Variants in SPG11 observed in about 807,000 individuals in gnomAD.
SPG11 encodes spatacsin.
SPG11 carries 222 observed loss-of-function variants against 274.0 expected under a neutral mutation model. The observed-to-expected ratio is 0.81, with a 90% CI of 0.73 to 0.91. The LOEUF (loss-of-function observed/expected upper bound fraction) is 0.91, where lower values mean the gene tolerates loss of function less well. Among genes scored for constraint, SPG11 ranks in the 40% least tolerant of loss-of-function variants. SPG11 has a pLI of 0.00. For missense variants in SPG11, 3,114 were observed against 2,872.7 expected, an observed-to-expected ratio of 1.08 and a Z score of -1.92; for synonymous variants, 1,144 against 1,039.7, an observed-to-expected ratio of 1.10 and a Z score of -1.93.
At position 44,610,862 on chromosome 15, in the gene SPG11, T is replaced by C. The variant is rs2083441234; in HGVS notation, c.3269A>G (p.Tyr1090Cys). 1 of 1,614,040 alleles carries C rather than the reference T, an allele frequency of 6.2e-7. No individual in the cohort carries two copies. Among genetic ancestry groups the C allele is most frequent in the Admixed American group, 1.7e-5 (1 of 60,010 alleles). The change falls in exon 18 of 40, where the codon TAT (tyrosine) becomes TGT (cysteine). Residue 1090 changes from tyrosine to cysteine, a missense_variant. Coordinates refer to ENST00000261866, the MANE Select transcript of SPG11 (RefSeq NM_025137.4). ...TACCTGACTGACACCCCCAGGAGAATACATTGTAGTAGCAAGGGCCAGGAG... is the reference window on the plus strand; with the variant it reads ...TACCTGACTGACACCCCCAGGAGAACACATTGTAGTAGCAAGGGCCAGGAG... ...HTLLALATTMYSPGGVSQVVQ... is the reference protein window; with the variant it reads ...HTLLALATTMCSPGGVSQVVQ...
rs766366279 is a variant in SPG11 at position 44,573,533 on chromosome 15, G to A, written c.6205+14C>T. On this transcript the variant is annotated intron_variant, in intron 32 of 39. Transcript: ENST00000261866. The stretch of plus-strand genomic sequence containing the variant: ...GCTGTCAGAGAGGTTGGGAATCCCC[G>A]GGGGGTAGGGCACCTGTTCCCTGTG... 32 of 1,613,502 alleles carry A rather than the reference G, an allele frequency of 2.0e-5. No individual in the cohort carries two copies. In the Admixed American group the frequency reaches 2.7e-4, roughly 13 times the overall value.
intron 21 of SPG11, among the ~76,000 whole-genome samples, chr15:44,599,996 G>A (rs189643655): frequency 6.6e-6 from 1 of 152,202 alleles, no homozygotes; most frequent in East Asian, 1.9e-4. Flanking sequence ...TTGTCCTAAC[G>A]TTCTCCCTCC....
intron 31 of SPG11, among the ~76,000 whole-genome samples, chr15:44,574,067 A>G (rs1362672364): frequency 6.6e-6 from 1 of 152,226 alleles, no homozygotes; most frequent in African/African-American, 2.4e-5. Context: ...GCAATGGCAC[A>G]ATCTTGGCTC....
chr15:44,663,109 C>T (rs1224172225), intron 1 of SPG11, among the ~76,000 whole-genome samples: 1 of 152,244 alleles, frequency 6.6e-6, no homozygotes. Flanking sequence ...CAGCTGAGAC[C>T]CGTTCCGGGT....
chr15:44,601,401 C>A (rs551839468), intron 20 of SPG11, among the ~76,000 whole-genome samples: 14 of 151,902 alleles, frequency 9.2e-5, no homozygotes, highest in Admixed American at 2.0e-4. Flanking sequence ...GCTGGGACCA[C>A]AGGTGCATGC....
chr15:44,633,448 AAGTTATT>A, intron 8 of SPG11, 50 bp downstream of exon 8: 3 of 1,423,818 alleles, frequency 2.1e-6, no homozygotes, highest in Non-Finnish European at 2.9e-6. Flanking sequence ...CATACTTTGA[AAGTTATT>A]AAGAAGATCA....
chr15:44,617,236 G>C (rs1458197970), intron 15 of SPG11, among the ~76,000 whole-genome samples: 1 of 152,196 alleles, frequency 6.6e-6, no homozygotes, highest in African/African-American at 2.4e-5. Flanking sequence ...AGCTCTCTTG[G>C]TCTCAGTGCC....
In SPG11 at chr15:44,571,543, G is replaced by A. The variant is rs2082425653; in HGVS notation, c.6344-885C>T. 2.0e-5 allele frequency among the ~76,000 whole-genome samples: 3 copies of A among 148,000 alleles called. No homozygotes were observed. In the Admixed American group the frequency reaches 2.0e-4, roughly 10 times the overall value. ...GATGGAGGCTTGCTCTGTTGCCCAG[G>A]CTGGAGTGCAGCGGCGCCATCTCCA... On this transcript the variant is annotated intron_variant, in intron 33 of 39. Transcript: ENST00000261866.
At chr15:44,614,056 A>G (rs2083530747) in intron 16 of SPG11, among the ~76,000 whole-genome samples, 1 of 152,182 alleles carries the variant, frequency 6.6e-6, no homozygotes, top group African/African-American at 2.4e-5. Flanking sequence ...TAAAAAAGAA[A>G]TAAAAAGCTT....
intron 38 of SPG11, 89 bp downstream of exon 38, chr15:44,565,765 G>C: frequency 1.3e-5 from 20 of 1,517,634 alleles, no homozygotes; most frequent in Non-Finnish European, 1.8e-5. Context: ...TCTGTCACTA[G>C]CCCTGAGACC....
chr15:44,566,645 A>G (rs1883880708), intron 36 of SPG11, among the ~76,000 whole-genome samples: 1 of 152,288 alleles, frequency 6.6e-6, no homozygotes, highest in East Asian at 1.9e-4. Context: ...ATGCCTTCAA[A>G]GTCTCCATTC....
intron 39 of SPG11, among the ~76,000 whole-genome samples, chr15:44,564,309 G>A (rs1307186958): frequency 6.6e-6 from 1 of 152,124 alleles, no homozygotes; most frequent in East Asian, 1.9e-4. Context: ...TTAGGTTTTT[G>A]GCACTGAGTA....
chr15:44,598,845 G>T lies in SPG11; in HGVS notation c.3687-9C>A, dbSNP rs1448450323. 5.6e-6 allele frequency: 9 copies of T among 1,613,540 alleles called. 1 individual carries two copies. The South Asian group carries it at 9.9e-5, about 18-fold the overall frequency. On this transcript the variant is annotated splice_polypyrimidine_tract_variant and intron_variant, in intron 21 of 39. Coordinates refer to ENST00000261866, the MANE Select transcript of SPG11 (RefSeq NM_025137.4). ...TGCCTACTTGCTGGATCCTGAAAAAGAAAGGAATCAAAATCACATCAGCAC... is the reference window on the plus strand; with the variant it reads ...TGCCTACTTGCTGGATCCTGAAAAATAAAGGAATCAAAATCACATCAGCAC...
intron 29 of SPG11, among the ~76,000 whole-genome samples, chr15:44,585,175 T>C (rs2082730421): frequency 1.3e-5 from 2 of 152,116 alleles, no homozygotes; most frequent in Admixed American, 1.3e-4. Flanking sequence ...GGCTCATCCA[T>C]TTCTGAAAGT....
chr15:44,588,890 C>G (rs2082833997), intron 28 of SPG11, among the ~76,000 whole-genome samples: 1 of 152,092 alleles, frequency 6.6e-6, no homozygotes, highest in East Asian at 1.9e-4. Context: ...GAGCAGAGCC[C>G]CTTAGCTGGA....
rs71111871 is a variant in SPG11 at position 44,611,809 on chromosome 15, C to CTTT, written c.3146-827_3146-825dup. Among the ~76,000 whole-genome samples the CTTT allele has an allele frequency of 6.9e-3, 823 of 119,452 alleles. 55 individuals carry two copies. Among genetic ancestry groups the CTTT allele is most frequent in the African/African-American group, 0.022 (695 of 31,836 alleles). The allele number at this position is 119,452 out of a possible 152,430, so 78.4% of individuals were successfully genotyped here. ...TGTAAACATTTAAAATGGTCACTGTCTTTTTTTTTTTTTTTTTTTGAGATG... is the reference window on the plus strand; with the variant it reads ...TGTAAACATTTAAAATGGTCACTGTCTTTTTTTTTTTTTTTTTTTTTTGAGATG... On this transcript the variant is annotated intron_variant, in intron 17 of 39. Coordinates refer to ENST00000261866, the MANE Select transcript of SPG11 (RefSeq NM_025137.4).
intron 1 of SPG11, among the ~76,000 whole-genome samples, chr15:44,662,183 G>A (rs1442453788): frequency 6.6e-6 from 1 of 152,138 alleles, no homozygotes; most frequent in Admixed American, 6.5e-5. Context: ...TAAACGCAGA[G>A]ATTCCTCTTT....
intron 27 of SPG11, among the ~76,000 whole-genome samples, chr15:44,591,554 G>A (rs999656342): frequency 2.0e-5 from 3 of 152,176 alleles, no homozygotes; most frequent in Non-Finnish European, 4.4e-5. Context: ...GTAGCCAACT[G>A]GCCATAGGGA....
At chr15:44,637,436 T>G (rs894132619) in intron 7 of SPG11, among the ~76,000 whole-genome samples, 14 of 152,138 alleles carry the variant, frequency 9.2e-5, no homozygotes, top group African/African-American at 3.1e-4. Context: ...CCTCAGCCTC[T>G]CAAATAGCTG....
Sources: gnomAD v4.1 joint callset for allele counts (sites outside exome capture counted in the v4.1 genomes callset) on GRCh38, gnomAD v4.1.1 for gene constraint, MANE v1.5 for transcripts, NCBI Gene and HGNC (gene_info 2026-07-23, HGNC 2026-07-21) for gene names.